The following HDAC8 variants were observed in gnomAD, a reference collection of about 807,000 sequenced individuals.
The protein encoded by HDAC8 is histone deacetylase 8.
A neutral mutation model predicts 32.2 loss-of-function variants in HDAC8; 1 was observed. The observed-to-expected ratio is 0.03, with a 90% confidence interval of 0.01 to 0.15. The LOEUF (loss-of-function observed/expected upper bound fraction) is 0.15. HDAC8 is among the 10% of genes least tolerant of loss of function. The pLI is 1.00. For missense variants in HDAC8, 117 were observed against 300.0 expected (o/e 0.39, Z 4.51); for synonymous variants, 108 against 113.9 (o/e 0.95, Z 0.33).
At chrX:72,474,469 C>G (rs1429516823) in intron 7 of HDAC8, 1 of 1,053,613 alleles carries the variant, frequency 9.5e-7, no homozygotes, top group Non-Finnish European at 1.2e-6. Context: ...GTTTGCTACA[C>G]TGCAAATCAT....
At chrX:72,413,644 G>A (rs112361912) in intron 9 of HDAC8, among the ~76,000 whole-genome samples, 2,543 of 110,414 alleles carry the variant, frequency 0.023, 70 homozygotes, top group African/African-American at 0.072. Context: ...TCATGGGGGC[G>A]GTTACCTCCA....
chrX:72,352,694 T>A (rs1555949322), intron 9 of HDAC8, among the ~76,000 whole-genome samples: 1 of 111,664 alleles, frequency 9.0e-6, no homozygotes, highest in African/African-American at 3.3e-5. Flanking sequence ...TATAGTAGAG[T>A]TTATTTGTTT....
At chrX:72,360,827 G>C (rs1178237645) in intron 9 of HDAC8, among the ~76,000 whole-genome samples, 1 of 112,245 alleles carries the variant, frequency 8.9e-6, no homozygotes, top group Non-Finnish European at 1.9e-5. Flanking sequence ...TGGCATTTAT[G>C]GTACATTTTA....
At chrX:72,428,283 G>A (rs1395675014) in intron 9 of HDAC8, among the ~76,000 whole-genome samples, 3 of 111,862 alleles carry the variant, frequency 2.7e-5, no homozygotes, top group African/African-American at 6.5e-5. Flanking sequence ...CAGTAGAGAC[G>A]GGGTTTCACC....
At position 72,404,335 on chromosome X, in the gene HDAC8, T is replaced by C. The variant is rs782041347; in HGVS notation, c.1006-52497A>G. On this transcript the variant is annotated intron_variant, in intron 9 of 10. Coordinates refer to ENST00000373573, the MANE Select transcript of HDAC8 (RefSeq NM_018486.3). ...TTAATTTAATAAAGTTTAGAGTTAA[T>C]ATATTTGTCCCCTTTTCAAACAATA... 6.3e-5 allele frequency among the ~76,000 whole-genome samples: 7 copies of C among 111,798 alleles called. No homozygotes were observed. In the South Asian group the frequency reaches 2.6e-3, roughly 41 times the overall value.
intron 4 of HDAC8, among the ~76,000 whole-genome samples, chrX:72,551,079 GCACACACACA>G (rs56118046): frequency 0.022 from 2,146 of 96,383 alleles, 57 homozygotes; most frequent in African/African-American, 0.073. Flanking sequence ...TGAAGTCAGC[GCACACACACA>G]CACACACACA....
At chrX:72,418,274 C>A (rs781909895) in intron 9 of HDAC8, among the ~76,000 whole-genome samples, 7 of 111,600 alleles carry the variant, frequency 6.3e-5, no homozygotes, top group African/African-American at 2.3e-4. Context: ...AATAAACAGA[C>A]AACTTACAGA....
intron 6 of HDAC8, among the ~76,000 whole-genome samples, chrX:72,490,554 G>C (rs1402227730): frequency 4.2e-5 from 4 of 95,168 alleles, no homozygotes; most frequent in Non-Finnish European, 8.2e-5. Flanking sequence ...ATTGAAAAAT[G>C]AGAACACATG....
At chrX:72,392,943 C>G (rs1044996406) in intron 9 of HDAC8, among the ~76,000 whole-genome samples, 4 of 111,717 alleles carry the variant, frequency 3.6e-5, no homozygotes, top group African/African-American at 1.3e-4. Flanking sequence ...GGGCAAATAC[C>G]AGATTTCCTG....
At chrX:72,537,289 C>G (rs782636714) in intron 4 of HDAC8, among the ~76,000 whole-genome samples, 2 of 111,715 alleles carry the variant, frequency 1.8e-5, no homozygotes, top group Non-Finnish European at 3.8e-5. Flanking sequence ...CAATGTTGAG[C>G]CTATTCCAAA....
rs782607053 is a variant in HDAC8, at chrX:72,383,880, A to G, written c.1006-32042T>C. Among the ~76,000 whole-genome samples the G allele has an allele frequency of 3.7e-5, 4 of 107,874 alleles. No homozygotes were observed. In the East Asian group the frequency reaches 1.1e-3, roughly 31 times the overall value. 93.7% of individuals were successfully genotyped at this position (107,874 alleles called of 115,157 possible). A position where few individuals can be genotyped will look rare whatever the true frequency, so the allele number is the denominator to read the frequency against. ...GTGAGATGCCATCTCAAAAAAAAAA[A>G]AAAAAAAAAAAGAGGTAGCCTTTTC... On this transcript the variant is annotated intron_variant, in intron 9 of 10. Transcript: ENST00000373573.
intron 4 of HDAC8, among the ~76,000 whole-genome samples, chrX:72,554,215 C>T (rs890548685): frequency 1.8e-5 from 2 of 111,334 alleles, no homozygotes; most frequent in Non-Finnish European, 3.8e-5. Context: ...GGAGGCAGGA[C>T]TAGCTTACAG....
intron 2 of HDAC8, among the ~76,000 whole-genome samples, chrX:72,569,207 G>A (rs1303276152): frequency 8.9e-5 from 10 of 112,240 alleles, no homozygotes; most frequent in Non-Finnish European, 1.5e-4. Flanking sequence ...ACAACTTTCA[G>A]GACAAACTAG....
intron 4 of HDAC8, among the ~76,000 whole-genome samples, chrX:72,524,936 G>A (rs2050092643): frequency 9.0e-6 from 1 of 111,697 alleles, no homozygotes; most frequent in South Asian, 3.8e-4. Flanking sequence ...TTGGCCTCAA[G>A]GGCTGGTTTC....
At chrX:72,515,115 T>C (rs1279507334) in intron 4 of HDAC8, among the ~76,000 whole-genome samples, 2 of 111,432 alleles carry the variant, frequency 1.8e-5, no homozygotes, top group African/African-American at 6.5e-5. Context: ...GTTATTATTA[T>C]AGCCACATTG....
At chrX:72,510,475 C>G (rs1040389617) in intron 4 of HDAC8, among the ~76,000 whole-genome samples, 5 of 111,587 alleles carry the variant, frequency 4.5e-5, no homozygotes, top group Non-Finnish European at 9.4e-5. Context: ...ACTATGAGTC[C>G]ATGATGGTGA....
intron 4 of HDAC8, among the ~76,000 whole-genome samples, chrX:72,513,930 A>C (rs1315951830): frequency 8.9e-6 from 1 of 112,028 alleles, no homozygotes; most frequent in Admixed American, 9.5e-5. Flanking sequence ...CAAGAGTCAC[A>C]CCATTAACCA....
chrX:72,441,636 C>T (rs1466016419), intron 9 of HDAC8, among the ~76,000 whole-genome samples: 2 of 112,191 alleles, frequency 1.8e-5, no homozygotes, highest in African/African-American at 6.5e-5. Flanking sequence ...GCCTCTCCTC[C>T]TCCAAAGGAA....
chrX:72,489,192 C>A, intron 6 of HDAC8, 151 bp from the exon 7 acceptor site: 3 of 469,563 alleles, frequency 6.4e-6, no homozygotes, highest in Non-Finnish European at 7.4e-6. Context: ...GAGAAGCAGG[C>A]AAATCATAAG....
Sources: gnomAD v4.1 joint callset for allele counts (sites outside exome capture counted in the v4.1 genomes callset) on GRCh38, gnomAD v4.1.1 for gene constraint, MANE v1.5 for transcripts, NCBI Gene and HGNC (gene_info 2026-07-23, HGNC 2026-07-21) for gene names.